Variants in PIK3C3 observed in about 807,000 individuals in gnomAD.
PIK3C3 encodes PI3-kinase type 3.
Under a neutral mutation model 126.1 loss-of-function variants are expected in PIK3C3, and 95 were observed. That is an observed-to-expected ratio of 0.75 (90% CI 0.64 to 0.89). PIK3C3 has a LOEUF of 0.89. Among genes scored for constraint, PIK3C3 ranks in the 40% least tolerant of loss-of-function variants. PIK3C3 has a pLI of 0.00. For missense variants in PIK3C3, 829 were observed against 1,063.2 expected (o/e 0.78, Z 3.06); for synonymous variants, 374 against 360.0 (o/e 1.04, Z -0.44).
chr18:42,004,346 C>T lies in PIK3C3; in HGVS notation c.985-10C>T, dbSNP rs1425898446. 6.2e-7 allele frequency: 1 copy of T among 1,600,194 alleles called. No homozygotes were observed. The highest frequency in any genetic ancestry group is 1.4e-5 in the African/African-American group (1 of 74,052). On this transcript the variant is annotated splice_polypyrimidine_tract_variant and intron_variant, in intron 9 of 24. Transcript: ENST00000262039. Reference sequence around the variant, plus strand: ...GCTGTTTCTAATTTTTAAATATTTTCTGATTTTAGGCCTTGACAAAATTCT... The same window carrying T: ...GCTGTTTCTAATTTTTAAATATTTTTTGATTTTAGGCCTTGACAAAATTCT...
intron 23 of PIK3C3, among the ~76,000 whole-genome samples, chr18:42,065,325 C>T (rs150604173): frequency 0.012 from 1,830 of 152,164 alleles, 26 homozygotes; most frequent in Non-Finnish European, 0.019. Context: ...TTTAAAGCAG[C>T]TGTTACAAAT....
intron 13 of PIK3C3, chr18:42,025,454 C>G (rs1983524340): frequency 6.6e-6 from 1 of 152,126 alleles, no homozygotes; most frequent in African/African-American, 2.4e-5. Flanking sequence ...GTGCTATGTT[C>G]TCTGGTTTGG....
intron 22 of PIK3C3, among the ~76,000 whole-genome samples, chr18:42,061,548 C>T (rs569175120): frequency 5.3e-5 from 8 of 151,958 alleles, no homozygotes; most frequent in South Asian, 2.1e-4. Context: ...TGCCACTGCA[C>T]GCTAGTCTGG....
intron 24 of PIK3C3, among the ~76,000 whole-genome samples, chr18:42,073,574 T>G (rs1245234630): frequency 6.6e-6 from 1 of 152,164 alleles, no homozygotes; most frequent in Non-Finnish European, 1.5e-5. Flanking sequence ...GGTATTTATA[T>G]CACAGTTTCT....
At chr18:42,044,360 T>C (rs2144480931) in intron 20 of PIK3C3, among the ~76,000 whole-genome samples, 1 of 150,684 alleles carries the variant, frequency 6.6e-6, no homozygotes, top group South Asian at 2.2e-4. Flanking sequence ...ACGAAGGTTA[T>C]ATTCTACAGG....
chr18:41,985,749 T>C (rs1981441880), intron 4 of PIK3C3, among the ~76,000 whole-genome samples: 1 of 152,186 alleles, frequency 6.6e-6, no homozygotes, highest in Admixed American at 6.6e-5. Context: ...CATTCTTTAG[T>C]AGCTCTTATA....
intron 2 of PIK3C3, 144 bp downstream of exon 2, chr18:41,957,902 CAGAT>C (rs1394373011): frequency 4.9e-5 from 28 of 575,660 alleles, no homozygotes; most frequent in Non-Finnish European, 6.8e-5. Context: ...GAAACATACT[CAGAT>C]AAAGTATTAT....
chr18:42,072,586 CA>C (rs1164710314), intron 24 of PIK3C3, among the ~76,000 whole-genome samples: 1 of 152,164 alleles, frequency 6.6e-6, no homozygotes, highest in Admixed American at 6.5e-5. Flanking sequence ...CACTGGAGTG[CA>C]GTGGTACAAT....
intron 19 of PIK3C3, among the ~76,000 whole-genome samples, chr18:42,041,745 T>C (rs1455167735): frequency 5.3e-5 from 8 of 152,346 alleles, no homozygotes; most frequent in Admixed American, 5.2e-4. Flanking sequence ...GTCAGATTTG[T>C]AGAAAAGTAT....
chr18:42,028,015 A>T (rs1459382035), intron 14 of PIK3C3, among the ~76,000 whole-genome samples: 1 of 152,206 alleles, frequency 6.6e-6, no homozygotes, highest in Non-Finnish European at 1.5e-5. Context: ...CATGAAAATT[A>T]TGTGAATTCA....
At chr18:41,971,777 A>T (rs944549595) in intron 4 of PIK3C3, among the ~76,000 whole-genome samples, 4 of 152,058 alleles carry the variant, frequency 2.6e-5, no homozygotes, top group Non-Finnish European at 4.4e-5. Flanking sequence ...TAATATTTTT[A>T]AAAAAGCTCT....
Position 42,081,131 on chromosome 18 carries a change from A to G in PIK3C3, c.2658A>G (p.Arg886=), listed in dbSNP as rs1986233399. The G allele has an allele frequency of 2.6e-6, 4 of 1,566,914 alleles. No individual in the cohort carries two copies. Among genetic ancestry groups the G allele is most frequent in the Admixed American group, 1.7e-5 (1 of 58,926 alleles). ...CTTTTTAATTTTTGTAGTACTGGAGAAAATGAAACTGGGATTGACCCATCA... is the reference window on the plus strand; with the variant it reads ...CTTTTTAATTTTTGTAGTACTGGAGGAAATGAAACTGGGATTGACCCATCA... ...EQIHKFAQYW[R]K is the part of the protein sequence containing the mutation. The change falls in exon 25 of 25, where the codon AGA becomes AGG. Residue 886 remains arginine (R), a synonymous_variant. Coordinates refer to ENST00000262039, the MANE Select transcript of PIK3C3 (RefSeq NM_002647.4).
chr18:41,987,953 C>T, intron 5 of PIK3C3, 55 bp downstream of exon 5: 2 of 1,064,346 alleles, frequency 1.9e-6, no homozygotes, highest in Non-Finnish European at 2.8e-6. Flanking sequence ...TTTAAATTAA[C>T]AATTTTTTGA....
chr18:41,985,134 A>G (rs1981403004), intron 4 of PIK3C3: 1 of 152,202 alleles, frequency 6.6e-6, no homozygotes, highest in South Asian at 2.1e-4. Context: ...TGGATGTTCC[A>G]GCTCTAACCA....
intron 24 of PIK3C3, among the ~76,000 whole-genome samples, chr18:42,071,874 A>T (rs368811935): frequency 6.6e-6 from 1 of 152,200 alleles, no homozygotes; most frequent in East Asian, 1.9e-4. Context: ...TTCCTTAAAT[A>T]TATAATTTGT....
intron 4 of PIK3C3, among the ~76,000 whole-genome samples, chr18:41,978,233 G>A (rs1385450091): frequency 6.6e-6 from 1 of 152,184 alleles, no homozygotes; most frequent in Non-Finnish European, 1.5e-5. Flanking sequence ...GGGATTACAG[G>A]CATAAGCCAC....
chr18:41,969,305 T>G (rs1393007387), intron 3 of PIK3C3, among the ~76,000 whole-genome samples: 1 of 152,200 alleles, frequency 6.6e-6, no homozygotes, highest in Non-Finnish European at 1.5e-5. Flanking sequence ...ACTTTATGTT[T>G]GAAAATTCTT....
chr18:41,960,806 G>T (rs1980042657), intron 2 of PIK3C3, among the ~76,000 whole-genome samples: 1 of 151,268 alleles, frequency 6.6e-6, no homozygotes, highest in Non-Finnish European at 1.5e-5. Flanking sequence ...GCAGTGGCAT[G>T]ATCTTGGCTC....
At chr18:42,054,056 A>G (rs1340274529) in intron 21 of PIK3C3, among the ~76,000 whole-genome samples, 1 of 145,684 alleles carries the variant, frequency 6.9e-6, no homozygotes, top group Non-Finnish European at 1.5e-5. Context: ...TCTTATTTTT[A>G]TCTTAATTGG....
Sources: allele counts gnomAD v4.1 joint callset (sites outside exome capture counted in the v4.1 genomes callset), GRCh38; gene constraint gnomAD v4.1.1; transcripts MANE v1.5; gene names NCBI Gene and HGNC (gene_info 2026-07-23, HGNC 2026-07-21).